The following AKAP13 variants were observed in gnomAD, a reference collection of about 807,000 sequenced individuals.
AKAP13 encodes the protein A-kinase anchoring protein 13.
Under a neutral mutation model 264.5 loss-of-function variants are expected in AKAP13, and 80 were observed. The ratio of observed to expected loss-of-function variants is 0.30; its 90% CI spans 0.25 to 0.36. The LOEUF is 0.36. Ranked by LOEUF, AKAP13 falls within the 10% of genes least tolerant of loss-of-function variation. The pLI is 1.00. For synonymous variants in AKAP13, 1,380 were observed against 1,250.2 expected (o/e 1.10, Z -2.19); for missense variants, 3,712 against 3,435.2 (o/e 1.08, Z -2.01).
Position 85,723,232 on chromosome 15 carries a change from T to C in AKAP13, c.6657T>C (p.Gly2219=), listed in dbSNP as rs1463262694. The change falls in exon 26 of 37, where the codon GGT becomes GGC. Residue 2219 remains glycine, a synonymous_variant. Transcript: ENST00000394518. The stretch of plus-strand genomic sequence containing the variant: ...AGTCAATCATGAGGATGAAGAGTGG[T>C]CAGATGTTTGCCAAGGAAGATTTGA... ...DSKSIMRMKS[G]QMFAKEDLKR... The C allele has an allele frequency of 6.2e-7, 1 of 1,614,042 alleles. No homozygotes were observed. The highest frequency in any genetic ancestry group is 8.5e-7 in the Non-Finnish European group (1 of 1,180,014).
At chr15:85,395,159 CTTAG>C (rs2071052394) in intron 1 of AKAP13, among the ~76,000 whole-genome samples, 3 of 151,916 alleles carry the variant, frequency 2.0e-5, no homozygotes, top group Non-Finnish European at 1.5e-5. Flanking sequence ...AGAAACCTTA[CTTAG>C]TATGTGATCT....
Position 85,533,871 on chromosome 15 carries a change from A to G in AKAP13, c.469A>G (p.Ser157Gly). The G allele has an allele frequency of 6.3e-7, 1 of 1,575,192 alleles. No homozygotes were observed. ...TEWNVLGTDQ[S>G]LHDAGPRETL... ...GTGGAATGTATTGGGGACAGATCAG[A>G]GTTTGCATGGTGAGAATTTATATGA... Residue 157 changes from serine (S) to glycine (G), a missense_variant, in exon 4 of 37, where the codon AGT becomes GGT. By Grantham distance (56) the Ser-to-Gly change is moderately conservative. Around this residue, in one of 3 missense-constraint regions of AKAP13, gnomAD observed 2,759 missense variants for 2,411.7 expected, o/e 1.14. Coordinates refer to ENST00000394518, the MANE Select transcript of AKAP13 (RefSeq NM_007200.5).
At chr15:85,605,391 A>G (rs1378438438) in intron 8 of AKAP13, among the ~76,000 whole-genome samples, 2 of 152,202 alleles carry the variant, frequency 1.3e-5, no homozygotes, top group Admixed American at 6.5e-5. Context: ...CAAACACTGC[A>G]TGTTCTCACT....
At chr15:85,462,751 G>T (rs967693432) in intron 1 of AKAP13, among the ~76,000 whole-genome samples, 1 of 152,148 alleles carries the variant, frequency 6.6e-6, no homozygotes, top group African/African-American at 2.4e-5. Context: ...TTGGCCGGGC[G>T]TGGTGGCTCA....
chr15:85,601,329 C>T (rs1013198829), intron 8 of AKAP13, among the ~76,000 whole-genome samples: 1 of 152,004 alleles, frequency 6.6e-6, no homozygotes, highest in Non-Finnish European at 1.5e-5. Context: ...TTTTATTTGC[C>T]CTTCAGAAAA....
chr15:85,542,869 C>G (rs1032441207), intron 4 of AKAP13, among the ~76,000 whole-genome samples: 2 of 152,228 alleles, frequency 1.3e-5, no homozygotes, highest in Admixed American at 1.3e-4. Flanking sequence ...AGCATTTCAT[C>G]TACCTCTTCT....
chr15:85,658,674 T>C, intron 12 of AKAP13, 84 bp downstream of exon 12: 1 of 1,218,738 alleles, frequency 8.2e-7, no homozygotes, highest in Non-Finnish European at 1.2e-6. Flanking sequence ...TAATCCATGA[T>C]TGGATCATCT....
At chr15:85,423,918 G>A (rs754374446) in intron 1 of AKAP13, among the ~76,000 whole-genome samples, 10 of 152,166 alleles carry the variant, frequency 6.6e-5, no homozygotes, top group Non-Finnish European at 1.0e-4. Context: ...ATAGCTCTTG[G>A]GTGACCCAGG....
intron 1 of AKAP13, among the ~76,000 whole-genome samples, chr15:85,462,044 C>CA (rs2074540651): frequency 6.6e-6 from 1 of 152,006 alleles, no homozygotes; most frequent in Admixed American, 6.5e-5. Context: ...GGATAAAGTA[C>CA]AAAAAAACAA....
chr15:85,567,569 C>T (rs1195473631), intron 5 of AKAP13, among the ~76,000 whole-genome samples: 2 of 152,148 alleles, frequency 1.3e-5, no homozygotes, highest in African/African-American at 2.4e-5. Context: ...GGAAGAGGGG[C>T]AGACACTAAG....
intron 3 of AKAP13, among the ~76,000 whole-genome samples, chr15:85,530,469 T>G (rs1299095540): frequency 1.3e-5 from 2 of 152,234 alleles, no homozygotes; most frequent in African/African-American, 4.8e-5. Flanking sequence ...ACTGGTTAAA[T>G]GGATAGGGCT....
intron 2 of AKAP13, among the ~76,000 whole-genome samples, chr15:85,486,075 AAAG>A (rs1338106921): frequency 3.9e-5 from 6 of 152,214 alleles, no homozygotes; most frequent in Non-Finnish European, 7.3e-5. Flanking sequence ...CATTCCTGTA[AAAG>A]TAGTGTGGAG....
chr15:85,526,921 A>T (rs79835142), intron 3 of AKAP13, among the ~76,000 whole-genome samples: 1 of 151,812 alleles, frequency 6.6e-6, no homozygotes, highest in Non-Finnish European at 1.5e-5. Context: ...GTTGAAGAGG[A>T]AAAAAATCTG....
chr15:85,550,836 G>A (rs1415652758), intron 5 of AKAP13, among the ~76,000 whole-genome samples: 1 of 152,152 alleles, frequency 6.6e-6, no homozygotes, highest in African/African-American at 2.4e-5. Flanking sequence ...AGGTCTTTGT[G>A]TCTTGGTAAA....
intron 1 of AKAP13, among the ~76,000 whole-genome samples, chr15:85,465,119 T>C (rs1379578939): frequency 6.6e-6 from 1 of 150,500 alleles, no homozygotes; most frequent in East Asian, 1.9e-4. Flanking sequence ...TTTTTTTTTT[T>C]TTTGTATTTT....
chr15:85,517,005 A>G (rs543934939), intron 2 of AKAP13, among the ~76,000 whole-genome samples: 7 of 152,196 alleles, frequency 4.6e-5, no homozygotes, highest in Non-Finnish European at 7.3e-5. Context: ...AGCCTATATC[A>G]TGTAATTTTT....
intron 14 of AKAP13, among the ~76,000 whole-genome samples, chr15:85,675,697 A>G (rs977596341): frequency 2.0e-5 from 3 of 152,216 alleles, no homozygotes; most frequent in African/African-American, 7.2e-5. Context: ...AAGGGGTCAG[A>G]AGGCTGACTA....
intron 12 of AKAP13, among the ~76,000 whole-genome samples, chr15:85,658,869 G>T (rs1333200338): frequency 6.6e-6 from 1 of 151,996 alleles, no homozygotes; most frequent in Non-Finnish European, 1.5e-5. Context: ...TGTGAGAATA[G>T]GGTCTCACCT....
At chr15:85,451,097 C>T (rs1001549036) in intron 1 of AKAP13, among the ~76,000 whole-genome samples, 2 of 152,192 alleles carry the variant, frequency 1.3e-5, no homozygotes, top group Non-Finnish European at 2.9e-5. Context: ...GAACCCTTTA[C>T]CATTATCCCA....
Sources: gnomAD v4.1 joint callset for allele counts (sites outside exome capture counted in the v4.1 genomes callset) on GRCh38, gnomAD v4.1.1 for gene constraint, gnomAD v4.1.1 regional missense constraint, MANE v1.5 for transcripts, NCBI Gene and HGNC (gene_info 2026-07-23, HGNC 2026-07-21) for gene names.